DOCK8: variants seen among roughly 807,000 people sequenced by gnomAD.
DOCK8 encodes dedicator of cytokinesis 8.
In DOCK8, 141 loss-of-function variants were observed where a neutral mutation model predicts 245.6. The ratio of observed to expected loss-of-function variants is 0.57; its 90% CI spans 0.50 to 0.66. The LOEUF is 0.66. DOCK8 is among the 30% of genes least tolerant of loss of function. DOCK8 has a pLI of 0.00. For missense variants in DOCK8, 2,965 were observed against 2,603.4 expected, an observed-to-expected ratio of 1.14 and a Z score of -3.02; for synonymous variants, 1,168 against 970.2, an observed-to-expected ratio of 1.20 and a Z score of -3.79.
At chr9:238,475 A>C (rs2047310532) in intron 1 of DOCK8, among the ~76,000 whole-genome samples, 1 of 152,184 alleles carries the variant, frequency 6.6e-6, no homozygotes, top group Non-Finnish European at 1.5e-5. Flanking sequence ...AGTAAAATAA[A>C]CTGGAAATAG....
At chr9:318,172 G>T (rs866875412) in intron 7 of DOCK8, among the ~76,000 whole-genome samples, 2 of 152,214 alleles carry the variant, frequency 1.3e-5, no homozygotes, top group Non-Finnish European at 2.9e-5. Context: ...CGTCTCTGCA[G>T]ACTGCTATTT....
At chr9:399,292 A>G in intron 26 of DOCK8, 33 bp downstream of exon 26, 1 of 1,251,686 alleles carries the variant, frequency 8.0e-7, no homozygotes, top group South Asian at 1.3e-5. Context: ...CCCCCGAGCG[A>G]GCCACTTGGT....
chr9:300,315 A>G (rs1246098956), intron 4 of DOCK8, among the ~76,000 whole-genome samples: 1 of 152,034 alleles, frequency 6.6e-6, no homozygotes, highest in African/African-American at 2.4e-5. Context: ...TACATTTCTT[A>G]CTTTATCTAT....
chr9:334,009 ACTC>A (rs1408939874), intron 10 of DOCK8, among the ~76,000 whole-genome samples: 1 of 150,846 alleles, frequency 6.6e-6, no homozygotes, highest in East Asian at 2.0e-4. Flanking sequence ...CTTTTTGTAA[ACTC>A]CTCGTTTTTT....
intron 26 of DOCK8, among the ~76,000 whole-genome samples, chr9:401,097 T>TCACCACCTCTCCCATCACCAC (rs1554692785): frequency 0.085 from 12,250 of 144,408 alleles, 1,440 homozygotes; most frequent in African/African-American, 0.27. Context: ...TCCACCACCA[T>TCACCACCTCTCCCATCACCAC]CACCACCTCT....
intron 46 of DOCK8, among the ~76,000 whole-genome samples, chr9:460,731 G>A (rs2057778938): frequency 6.6e-6 from 1 of 152,234 alleles, no homozygotes; most frequent in African/African-American, 2.4e-5. Flanking sequence ...TGAAGCTGTG[G>A]TGCTAAGTTT....
At position 428,315 on chromosome 9, in the gene DOCK8, T is replaced by A. The variant is rs1292259883; in HGVS notation, c.4339-47T>A. Reference sequence around the variant, plus strand: ...CTAATTGTCAGGAACATCCAGTTCATTGGCACAGTGCAGGGATTCAATGAT... The same window carrying A: ...CTAATTGTCAGGAACATCCAGTTCAATGGCACAGTGCAGGGATTCAATGAT... On this transcript the variant is annotated intron_variant, in intron 34 of 47. Coordinates refer to ENST00000432829, the MANE Select transcript of DOCK8 (RefSeq NM_203447.4). The A allele has an allele frequency of 2.5e-6, 4 of 1,613,300 alleles. No individual in the cohort carries two copies. In the South Asian group the frequency reaches 3.3e-5, roughly 13 times the overall value.
chr9:407,719 G>A (rs544237371), intron 28 of DOCK8, among the ~76,000 whole-genome samples: 2 of 152,258 alleles, frequency 1.3e-5, no homozygotes, highest in East Asian at 3.9e-4. Context: ...TGATTGGACT[G>A]AAAAAGATAA....
intron 24 of DOCK8, 87 bp from the exon 25 acceptor site, chr9:396,698 C>A (rs1382793991): frequency 4.5e-6 from 7 of 1,552,136 alleles, no homozygotes; most frequent in Admixed American, 3.3e-5. Context: ...TGTTAGAGAG[C>A]ATTTCTGTGA....
At chr9:244,027 A>G (rs1482069064) in intron 1 of DOCK8, among the ~76,000 whole-genome samples, 1 of 151,916 alleles carries the variant, frequency 6.6e-6, no homozygotes, top group Non-Finnish European at 1.5e-5. Flanking sequence ...TACTAAAAAT[A>G]CAAAAAAAAA....
chr9:331,113 A>G (rs1018414398), intron 9 of DOCK8, among the ~76,000 whole-genome samples: 1 of 152,154 alleles, frequency 6.6e-6, no homozygotes, highest in South Asian at 2.1e-4. Flanking sequence ...CTTCCTTCCA[A>G]TTTGTTCTAC....
At chr9:325,783 C>A (rs1434914489) in intron 8 of DOCK8, 46 bp downstream of exon 8, 4 of 1,500,958 alleles carry the variant, frequency 2.7e-6, no homozygotes, top group South Asian at 1.1e-5. Context: ...ATATATTGTT[C>A]ATGATTCTTT....
At chr9:240,233 G>T (rs565910442) in intron 1 of DOCK8, among the ~76,000 whole-genome samples, 1 of 152,212 alleles carries the variant, frequency 6.6e-6, no homozygotes, top group East Asian at 1.9e-4. Flanking sequence ...GTACAAACTG[G>T]CAAGGTCAAT....
rs748371928 is a variant in DOCK8, at chr9:403,994, G to GTATATA, written c.3235-911_3235-906dup. On this transcript the variant is annotated intron_variant, in intron 26 of 47. Coordinates refer to ENST00000432829, the MANE Select transcript of DOCK8 (RefSeq NM_203447.4). ...TATATATGTGTATATATATATATGT[G>GTATATA]TATATATATATATATATAGTTTAAA... 1.3e-4 allele frequency among the ~76,000 whole-genome samples: 9 copies of GTATATA among 70,480 alleles called. 1 individual carries two copies. Among genetic ancestry groups the GTATATA allele is most frequent in the Admixed American group, 3.4e-4 (2 of 5,824 alleles). 46.2% of individuals were successfully genotyped at this position (70,480 alleles called of 152,430 possible). A position where few individuals can be genotyped will look rare whatever the true frequency, so the allele number is the denominator to read the frequency against.
At chr9:302,401 GA>G (rs930970790) in intron 4 of DOCK8, among the ~76,000 whole-genome samples, 12 of 152,124 alleles carry the variant, frequency 7.9e-5, no homozygotes, top group African/African-American at 2.9e-4. Flanking sequence ...AAACCCTAGA[GA>G]AAAAAACTGG....
intron 7 of DOCK8, among the ~76,000 whole-genome samples, 194 bp from the exon 8 acceptor site, chr9:325,477 A>G (rs2050722712): frequency 6.6e-6 from 1 of 152,192 alleles, no homozygotes; most frequent in South Asian, 2.1e-4. Context: ...ATGATCTCAA[A>G]TGATTAGGAA....
At chr9:366,217 T>G (rs1025503763) in intron 14 of DOCK8, 6 of 153,434 alleles carry the variant, frequency 3.9e-5, no homozygotes, top group African/African-American at 1.2e-4. Flanking sequence ...TCACTGATAC[T>G]TGAAGCTCAT....
chr9:264,713 C>A (rs1333080390), intron 1 of DOCK8, among the ~76,000 whole-genome samples: 1 of 152,076 alleles, frequency 6.6e-6, no homozygotes, highest in Non-Finnish European at 1.5e-5. Context: ...TCATTTTGTA[C>A]ACTTTTAAAA....
chr9:227,747 A>T (rs916188983), intron 1 of DOCK8, among the ~76,000 whole-genome samples: 1 of 152,146 alleles, frequency 6.6e-6, no homozygotes, highest in Non-Finnish European at 1.5e-5. Flanking sequence ...TGAGGTGGAG[A>T]TTGGGACTGA....
Sources: gnomAD v4.1 joint callset for allele counts (sites outside exome capture counted in the v4.1 genomes callset) on GRCh38, gnomAD v4.1.1 for gene constraint, MANE v1.5 for transcripts, NCBI Gene and HGNC (gene_info 2026-07-23, HGNC 2026-07-21) for gene names.